Variants in C11orf65 observed in about 807,000 individuals in gnomAD.
C11orf65 encodes chromosome 11 open reading frame 65.
C11orf65 carries 38 observed loss-of-function variants against 35.3 expected under a neutral mutation model. That is an observed-to-expected ratio of 1.08 (90% CI 0.83 to 1.41). The LOEUF is 1.41. C11orf65 is among the 40% of genes most tolerant of loss of function. C11orf65 has a pLI of 0.00. For missense variants in C11orf65, 370 were observed against 367.1 expected (o/e 1.01, Z -0.06); for synonymous variants, 105 against 114.4 (o/e 0.92, Z 0.53).
rs115846074 is a variant in C11orf65, at chr11:108,433,287, A to G, written c.82-1449T>C. On this transcript the variant is annotated intron_variant, in intron 2 of 8. Coordinates refer to ENST00000393084, the MANE Select transcript of C11orf65 (RefSeq NM_152587.5). ...TATATATATATAGATATATATAGAT[A>G]TATATATATGCCGGGCTCAGTGGCT... Among the ~76,000 whole-genome samples the G allele has an allele frequency of 9.1e-3, 1,354 of 149,538 alleles. 20 individuals are homozygous for G. Among genetic ancestry groups the G allele is most frequent in the African/African-American group, 0.031 (1,268 of 40,970 alleles).
chr11:108,433,620 C>T (rs1381907526), intron 2 of C11orf65, among the ~76,000 whole-genome samples: 2 of 123,482 alleles, frequency 1.6e-5, no homozygotes, highest in African/African-American at 5.8e-5. Flanking sequence ...AAAAAAAGTA[C>T]CAAAGACAGA....
chr11:108,414,188 GAC>G (rs995641756), intron 3 of C11orf65, among the ~76,000 whole-genome samples: 57 of 151,924 alleles, frequency 3.8e-4, no homozygotes, highest in African/African-American at 1.4e-3. Flanking sequence ...AAGAAAAAAA[GAC>G]AGATATTACA....
chr11:108,315,950 G>A (rs760006500), intron 6 of C11orf65: 1 of 1,606,932 alleles, frequency 6.2e-7, no homozygotes, highest in South Asian at 1.1e-5. Flanking sequence ...TAGTAATTCT[G>A]TTTATGAAGG....
intron 2 of C11orf65, among the ~76,000 whole-genome samples, chr11:108,433,459 A>G (rs1340861029): frequency 6.6e-6 from 1 of 152,128 alleles, no homozygotes; most frequent in East Asian, 1.9e-4. Context: ...AGGCGCCTGC[A>G]GTCCCAGCTA....
intron 2 of C11orf65, among the ~76,000 whole-genome samples, chr11:108,343,689 G>A (rs924682910): frequency 6.6e-6 from 1 of 152,138 alleles, no homozygotes; most frequent in African/African-American, 2.4e-5. Flanking sequence ...GCATGCACCT[G>A]TAATCCCAGC....
At chr11:108,360,414 G>A (rs2090584809) in intron 2 of C11orf65, among the ~76,000 whole-genome samples, 1 of 143,210 alleles carries the variant, frequency 7.0e-6, no homozygotes, top group Non-Finnish European at 1.5e-5. Flanking sequence ...CCAATCAATA[G>A]AAAAAGAGGG....
chr11:108,436,247 A>T lies in C11orf65; in HGVS notation c.82-4409T>A, dbSNP rs528460539. ...ACAAGCTCTGCTGACGCTTGATTTT[A>T]GCCCAGTGAAGCCCATTTCAGACTT... On this transcript the variant is annotated intron_variant, in intron 2 of 8. Coordinates refer to ENST00000393084, the MANE Select transcript of C11orf65 (RefSeq NM_152587.5). 1.1e-4 allele frequency among the ~76,000 whole-genome samples: 17 copies of T among 152,312 alleles called. No homozygotes were observed. The South Asian group carries it at 3.3e-3, about 30-fold the overall frequency.
chr11:108,401,356 C>T (rs574858034), intron 6 of C11orf65, among the ~76,000 whole-genome samples: 9 of 151,816 alleles, frequency 5.9e-5, no homozygotes, highest in African/African-American at 1.2e-4. Flanking sequence ...CTCAGCTGTA[C>T]GTAAGAAAAC....
At position 108,407,124 on chromosome 11, in the gene C11orf65, C is replaced by T; in HGVS notation, c.200G>A (p.Gly67Asp). ...ACCTAATCTGAATCGCACATGAATG[C>T]CAGCAGCAGCATCTAGAAGCTCTGC... ...KEAELLDAAA[G>D]IHVRFRLGGV... The change falls in exon 4 of 9, where the codon GGC (glycine) becomes GAC (aspartate). Residue 67 changes from glycine to aspartate, a missense_variant. Coordinates refer to ENST00000393084, the MANE Select transcript of C11orf65 (RefSeq NM_152587.5). 1.9e-6 allele frequency: 3 copies of T among 1,609,498 alleles called. No homozygotes were observed. The highest frequency in any genetic ancestry group is 2.5e-6 in the Non-Finnish European group (3 of 1,176,990).
At chr11:108,407,240 G>T in intron 3 of C11orf65, 91 bp from the exon 4 acceptor site, 1 of 895,586 alleles carries the variant, frequency 1.1e-6, no homozygotes, top group Non-Finnish European at 1.6e-6. Flanking sequence ...TTAAATAATT[G>T]CTAAATATTG....
At chr11:108,325,273 T>C in intron 6 of C11orf65, 1 of 1,039,772 alleles carries the variant, frequency 9.6e-7, no homozygotes, top group African/African-American at 1.7e-5. Flanking sequence ...TTTTTTCATT[T>C]CTCTTGCTTA....
At chr11:108,431,223 C>T (rs998953150) in intron 3 of C11orf65, among the ~76,000 whole-genome samples, 1 of 151,222 alleles carries the variant, frequency 6.6e-6, no homozygotes, top group African/African-American at 2.4e-5. Flanking sequence ...ATGAAAATTC[C>T]CAGAAACAGT....
chr11:108,395,533 G>A (rs2092286024), intron 6 of C11orf65, among the ~76,000 whole-genome samples: 1 of 151,652 alleles, frequency 6.6e-6, no homozygotes, highest in Non-Finnish European at 1.5e-5. Flanking sequence ...TGGCCAGGCT[G>A]GTCTCAAACT....
At chr11:108,443,218 G>C (rs540630614) in intron 2 of C11orf65, among the ~76,000 whole-genome samples, 1 of 151,226 alleles carries the variant, frequency 6.6e-6, no homozygotes, top group East Asian at 1.9e-4. Context: ...AAGATCAAAA[G>C]AGACAAAGAA....
In C11orf65 at chr11:108,389,995, G is replaced by T. The variant is rs112916856; in HGVS notation, c.731+3213C>A. Reference sequence around the variant, plus strand: ...AGGCATGAGCCACCTCGCCTGGCTGGTTTTTTTTTTATTTATTTTATTTTT... The same window carrying T: ...AGGCATGAGCCACCTCGCCTGGCTGTTTTTTTTTTTATTTATTTTATTTTT... On this transcript the variant is annotated intron_variant, in intron 7 of 8. Transcript: ENST00000393084. Among the ~76,000 whole-genome samples the T allele has an allele frequency of 0.011, 364 of 34,508 alleles. 11 individuals are homozygous for T. In the South Asian group the frequency reaches 0.16, roughly 15 times the overall value. The allele number at this position is 34,508 out of a possible 152,430, so 22.6% of individuals were successfully genotyped here.
intron 2 of C11orf65, among the ~76,000 whole-genome samples, chr11:108,453,318 G>A (rs897806007): frequency 4.0e-5 from 6 of 149,700 alleles, no homozygotes; most frequent in African/African-American, 1.5e-4. Flanking sequence ...CCAAGAAAGG[G>A]AAAAGGGAGG....
chr11:108,359,612 A>C lies in C11orf65; in HGVS notation c.227-24320T>G, dbSNP rs549236714. On this transcript the variant is annotated intron_variant, in intron 2 of 3. Coordinates refer to the C11orf65 transcript ENST00000524755. ...ACAAACTATCTCTCAGACCACAGTG[A>C]CATCAAACTAGAACTCAGGATTAAG... Among the ~76,000 whole-genome samples the C allele has an allele frequency of 2.9e-4, 44 of 152,296 alleles. No individual in the cohort carries two copies. The East Asian group carries it at 3.9e-3, about 13-fold the overall frequency.
chr11:108,348,433 GAA>G (rs1342724474), intron 2 of C11orf65, among the ~76,000 whole-genome samples: 1 of 138,260 alleles, frequency 7.2e-6, no homozygotes, highest in African/African-American at 2.7e-5. Context: ...TAATATATAA[GAA>G]AGAAAGAATA....
intron 6 of C11orf65, among the ~76,000 whole-genome samples, chr11:108,324,519 A>C (rs1304250100): frequency 1.3e-5 from 2 of 152,116 alleles, no homozygotes; most frequent in African/African-American, 4.8e-5. Context: ...TTGATTGTAA[A>C]GGAGTTCCGC....
Sources: allele counts gnomAD v4.1 joint callset (sites outside exome capture counted in the v4.1 genomes callset), GRCh38; gene constraint gnomAD v4.1.1; transcripts MANE v1.5; gene names NCBI Gene and HGNC (gene_info 2026-07-23, HGNC 2026-07-21).